Variants in FER observed in about 807,000 individuals in gnomAD.
The protein encoded by FER is FER tyrosine kinase.
A neutral mutation model predicts 111.0 loss-of-function variants in FER; 63 were observed. The ratio of observed to expected loss-of-function variants is 0.57; its 90% CI spans 0.46 to 0.70. The LOEUF (loss-of-function observed/expected upper bound fraction) is 0.70. FER is among the 30% of genes least tolerant of loss of function. FER has a pLI of 0.00. For missense variants in FER, 914 were observed against 954.0 expected, an observed-to-expected ratio of 0.96 and a Z score of 0.55; for synonymous variants, 327 against 313.9, an observed-to-expected ratio of 1.04 and a Z score of -0.44.
intron 3 of FER, among the ~76,000 whole-genome samples, chr5:108,799,030 T>G (rs1000833426): frequency 6.6e-6 from 1 of 152,182 alleles, no homozygotes; most frequent in Non-Finnish European, 1.5e-5. Context: ...TATAAACCAC[T>G]CCCTGAATTC....
In FER at chr5:108,798,221, A is replaced by T. The variant is rs763556445; in HGVS notation, c.39A>T (p.Ala13=). 6.2e-7 allele frequency: 1 copy of T among 1,614,128 alleles called. No individual in the cohort carries two copies. The change falls in exon 3 of 20, where the codon GCA becomes GCT. Residue 13 remains alanine, a synonymous_variant. Transcript: ENST00000281092. ...GTGACCTGAAGAATTCACATGAAGC[A>T]GTGTTAAAATTGCAAGACTGGGAAT... The part of the protein sequence containing the change: ...FGSDLKNSHE[A]VLKLQDWELR...
intron 9 of FER, among the ~76,000 whole-genome samples, chr5:108,896,561 CTGTT>C (rs1284989578): frequency 6.6e-6 from 1 of 152,070 alleles, no homozygotes; most frequent in African/African-American, 2.4e-5. Flanking sequence ...TTTTTCTCTA[CTGTT>C]TGTTAGGACA....
chr5:108,828,051 G>A (rs755986251), intron 3 of FER, among the ~76,000 whole-genome samples: 1 of 149,648 alleles, frequency 6.7e-6, no homozygotes, highest in Non-Finnish European at 1.5e-5. Flanking sequence ...TTTTTTTTTT[G>A]TAGAGACACT....
At chr5:108,989,660 T>C (rs1762948267) in intron 13 of FER, among the ~76,000 whole-genome samples, 1 of 152,034 alleles carries the variant, frequency 6.6e-6, no homozygotes, top group Non-Finnish European at 1.5e-5. Context: ...TAGGATTTTC[T>C]AAACATTTTT....
In FER at chr5:108,902,814, A is replaced by G. The variant is rs563851855; in HGVS notation, c.1236+4966A>G. Among the ~76,000 whole-genome samples the G allele has an allele frequency of 2.6e-5, 4 of 152,238 alleles. No individual in the cohort carries two copies. In the East Asian group the frequency reaches 7.7e-4, roughly 29 times the overall value. On this transcript the variant is annotated intron_variant, in intron 10 of 19. Coordinates refer to ENST00000281092, the MANE Select transcript of FER (RefSeq NM_005246.4). ...GTAGAAGAATCTGCCTTCTGGAGCA[A>G]ATTAGGAGGGTGAACTCTGTTGACT...
chr5:109,132,770 C>T (rs1752491812), intron 17 of FER, among the ~76,000 whole-genome samples: 1 of 152,076 alleles, frequency 6.6e-6, no homozygotes, highest in Non-Finnish European at 1.5e-5. Context: ...TGGAATATAG[C>T]CCAGATGGCA....
At chr5:109,075,930 T>C (rs1489298254) in intron 16 of FER, among the ~76,000 whole-genome samples, 1 of 151,914 alleles carries the variant, frequency 6.6e-6, no homozygotes, top group Non-Finnish European at 1.5e-5. Context: ...TCCATAATCA[T>C]AATAAAGTAT....
intron 16 of FER, among the ~76,000 whole-genome samples, chr5:109,086,810 A>G (rs1777616221): frequency 6.6e-6 from 1 of 151,340 alleles, no homozygotes; most frequent in African/African-American, 2.4e-5. Flanking sequence ...ACAAAGTACC[A>G]AGTGACTTAA....
At chr5:109,026,347 G>T (rs73211600) in intron 13 of FER, among the ~76,000 whole-genome samples, 1,679 of 152,156 alleles carry the variant, frequency 0.011, 30 homozygotes, top group African/African-American at 0.038. Context: ...TGAATTTATA[G>T]AACATTTAAA....
intron 3 of FER, among the ~76,000 whole-genome samples, chr5:108,810,944 G>A (rs971232497): frequency 6.6e-6 from 1 of 152,156 alleles, no homozygotes; most frequent in Non-Finnish European, 1.5e-5. Context: ...ACCTGCCCTG[G>A]TGAGGAGCAG....
chr5:108,907,665 C>T (rs1750985148), intron 10 of FER, among the ~76,000 whole-genome samples: 1 of 151,912 alleles, frequency 6.6e-6, no homozygotes, highest in South Asian at 2.1e-4. Context: ...AGAGTCTCTG[C>T]ACTCTTAGAT....
intron 2 of FER, among the ~76,000 whole-genome samples, chr5:108,775,493 A>C (rs960642821): frequency 6.6e-6 from 1 of 152,226 alleles, no homozygotes; most frequent in East Asian, 1.9e-4. Flanking sequence ...CTCCTTAAAT[A>C]ATTTTAAATA....
intron 18 of FER, among the ~76,000 whole-genome samples, chr5:109,182,025 T>C (rs879917257): frequency 1.3e-5 from 2 of 152,248 alleles, no homozygotes; most frequent in African/African-American, 2.4e-5. Flanking sequence ...GTGTCTGGCT[T>C]ATTTTACTTA....
intron 17 of FER, among the ~76,000 whole-genome samples, chr5:109,123,981 G>T (rs1160702654): frequency 6.6e-6 from 1 of 152,104 alleles, no homozygotes; most frequent in Non-Finnish European, 1.5e-5. Context: ...TGTAATCCCA[G>T]CACTTTGGGA....
At chr5:109,104,546 T>C (rs908981467) in intron 17 of FER, among the ~76,000 whole-genome samples, 1 of 152,060 alleles carries the variant, frequency 6.6e-6, no homozygotes, top group Non-Finnish European at 1.5e-5. Flanking sequence ...TGTCACTGAA[T>C]AGAAGGAGTA....
At chr5:108,997,529 C>G (rs1004943187) in intron 13 of FER, among the ~76,000 whole-genome samples, 1 of 152,038 alleles carries the variant, frequency 6.6e-6, no homozygotes, top group African/African-American at 2.4e-5. Context: ...AATTGAATAC[C>G]CTTTATTTCT....
chr5:109,025,225 C>T (rs1395385122), intron 13 of FER, among the ~76,000 whole-genome samples: 1 of 152,018 alleles, frequency 6.6e-6, no homozygotes, highest in Non-Finnish European at 1.5e-5. Context: ...TGGCCATTTT[C>T]ATGATATTGA....
chr5:109,093,801 G>A (rs1309767950), intron 16 of FER, among the ~76,000 whole-genome samples: 1 of 152,006 alleles, frequency 6.6e-6, no homozygotes, highest in Non-Finnish European at 1.5e-5. Context: ...TCAAAATGTA[G>A]TATTCCATTG....
At chr5:109,029,425 CTTTTTTTTT>C (rs757282669) in intron 13 of FER, among the ~76,000 whole-genome samples, 2 of 52,212 alleles carry the variant, frequency 3.8e-5, no homozygotes, top group African/African-American at 1.7e-4. Context: ...ATTCATTGTT[CTTTTTTTTT>C]TTTTTTTTTT....
Sources: allele counts gnomAD v4.1 joint callset (sites outside exome capture counted in the v4.1 genomes callset), GRCh38; gene constraint gnomAD v4.1.1; transcripts MANE v1.5; gene names NCBI Gene and HGNC (gene_info 2026-07-23, HGNC 2026-07-21).